The following EDC4 variants were observed in gnomAD, a reference collection of about 807,000 sequenced individuals.
The protein encoded by EDC4 is enhancer of mRNA decapping 4.
EDC4 carries 64 observed loss-of-function variants against 155.8 expected under a neutral mutation model. That is an observed-to-expected ratio of 0.41 (90% CI 0.34 to 0.51). EDC4 has a LOEUF of 0.51. EDC4 is among the 20% of genes least tolerant of loss of function. The pLI is 0.19. For synonymous variants in EDC4, 684 were observed against 716.8 expected, an observed-to-expected ratio of 0.95 and a Z score of 0.73; for missense variants, 1,303 against 1,812.5, an observed-to-expected ratio of 0.72 and a Z score of 5.10.
chr16:67,882,980 C>A lies in EDC4; in HGVS notation c.3652C>A (p.Gln1218Lys). Reference protein sequence around the residue: ...VGSLQESILAQVQRIVKGEVS... With the variant: ...VGSLQESILAKVQRIVKGEVS... ...CAGCCTGCAGGAGTCCATTTTAGCACAGGTACAGCGCATCGTTAAGGGTGA... is the reference window on the plus strand; with the variant it reads ...CAGCCTGCAGGAGTCCATTTTAGCAAAGGTACAGCGCATCGTTAAGGGTGA... Residue 1218 changes from glutamine to lysine, a missense_variant, in exon 27 of 29, where the codon CAG becomes AAG. Coordinates refer to ENST00000358933, the MANE Select transcript of EDC4 (RefSeq NM_014329.5). The surrounding 1 kb of genome is among the most constrained non-coding windows in gnomAD (Gnocchi z 7.2). The A allele has an allele frequency of 6.2e-7, 1 of 1,614,142 alleles. No individual in the cohort carries two copies.
In EDC4 at chr16:67,878,465, T is replaced by C; in HGVS notation, c.1088+22T>C. The stretch of plus-strand genomic sequence containing the variant: ...CTGAGTGAGTGAGTGGGCAGCCTAG[T>C]GGGTGGTGGGCTGGACCATGGCTCC... On this transcript the variant is annotated intron_variant, in intron 9 of 28. Coordinates refer to ENST00000358933, the MANE Select transcript of EDC4 (RefSeq NM_014329.5). The surrounding 1 kb of genome is among the most constrained non-coding windows in gnomAD (Gnocchi z 5.2). 1.2e-6 allele frequency: 2 copies of C among 1,614,086 alleles called. No homozygotes were observed. The highest frequency in any genetic ancestry group is 1.7e-6 in the Non-Finnish European group (2 of 1,179,992).
chr16:67,874,763 C>T (rs542626190), intron 1 of EDC4, among the ~76,000 whole-genome samples: 1 of 152,278 alleles, frequency 6.6e-6, no homozygotes, highest in South Asian at 2.1e-4. Flanking sequence ...CTTGTCTCCT[C>T]TCACTGGACG....
At position 67,882,611 on chromosome 16, in the gene EDC4, G is replaced by T; in HGVS notation, c.3442+17G>T. The T allele has an allele frequency of 6.2e-7, 1 of 1,614,218 alleles. No homozygotes were observed. Among genetic ancestry groups the T allele is most frequent in the South Asian group, 1.1e-5 (1 of 91,088 alleles). On this transcript the variant is annotated intron_variant, in intron 25 of 28. Transcript: ENST00000358933. This position sits in a 1 kb window ranked among gnomAD's most constrained non-coding sequence, Gnocchi z 7.2. ...CACAGGAATGTGAGTGGGGTCATAT[G>T]GCCCAAGGTGGGAGGGGTTATCCTC...
Position 67,879,569 on chromosome 16 carries a change from T to TTA in EDC4, c.1634-18_1634-17insTA. Reference sequence around the variant, plus strand: ...ACCAGGGTCTGAGATCTAACTCAAGTGGCAACTTGCCCTGCAGCATTTGGA... The same window carrying TTA: ...ACCAGGGTCTGAGATCTAACTCAAGTTAGGCAACTTGCCCTGCAGCATTTGGA... On this transcript the variant is annotated splice_polypyrimidine_tract_variant and intron_variant, in intron 14 of 28. Coordinates refer to ENST00000358933, the MANE Select transcript of EDC4 (RefSeq NM_014329.5). This position sits in a 1 kb window ranked among gnomAD's most constrained non-coding sequence, Gnocchi z 6.0. The TTA allele has an allele frequency of 6.2e-7, 1 of 1,613,698 alleles. No individual in the cohort carries two copies.
chr16:67,876,449 G>T lies in EDC4; in HGVS notation c.240-39G>T, dbSNP rs751155152. On this transcript the variant is annotated intron_variant, in intron 2 of 28. Transcript: ENST00000358933. This position sits in a 1 kb window ranked among gnomAD's most constrained non-coding sequence, Gnocchi z 5.8. ...CCCAACCCTGCCCGCTGAGCCTTTG[G>T]GTGAACAAGAGGCAAAGTTTTTGCA... The T allele has an allele frequency of 5.0e-6, 8 of 1,608,620 alleles. No homozygotes were observed. In the African/African-American group the frequency reaches 1.1e-4, roughly 22 times the overall value.
chr16:67,880,720 G>A lies in EDC4; in HGVS notation c.2261G>A (p.Arg754His), dbSNP rs995782313. The stretch of plus-strand genomic sequence containing the variant: ...GAGATTGCATCTGAGGCCCTGTCCC[G>A]TGGTTTTGGCTCCTCTGCACCAGAG... ...IPEIASEALS[R>H]GFGSSAPEGL... is the part of the protein sequence containing the mutation. Residue 754 changes from arginine to histidine, a missense_variant, in exon 18 of 29, where the codon CGT (arginine) becomes CAT (histidine). By Grantham distance (29) the Arg-to-His change is conservative. This residue lies in a region of EDC4 where 391 missense variants were observed against 445.4 expected (regional missense o/e 0.88). Transcript: ENST00000358933. The surrounding 1 kb of genome is among the most constrained non-coding windows in gnomAD (Gnocchi z 5.2). 3.7e-6 allele frequency: 6 copies of A among 1,614,074 alleles called. No individual in the cohort carries two copies. Among genetic ancestry groups the A allele is most frequent in the African/African-American group, 2.7e-5 (2 of 74,926 alleles).
chr16:67,877,365 C>T lies in EDC4; in HGVS notation c.600C>T (p.Asn200=), dbSNP rs2058046047. Residue 200 remains asparagine, a synonymous_variant, in exon 5 of 29, where the codon AAC becomes AAT. Transcript: ENST00000358933. This position sits in a 1 kb window ranked among gnomAD's most constrained non-coding sequence, Gnocchi z 4.9. ...TGGCCTGCCTGGATGAGGCAGGCAA[C>T]CTGTTCGTGTGGCGCTTGGCTCTGG... ...PQLACLDEAG[N]LFVWRLALVN... The T allele has an allele frequency of 6.2e-7, 1 of 1,613,752 alleles. No individual in the cohort carries two copies. Among genetic ancestry groups the T allele is most frequent in the African/African-American group, 1.3e-5 (1 of 74,912 alleles).
chr16:67,874,615 C>T (rs765790412), intron 1 of EDC4, among the ~76,000 whole-genome samples: 1 of 152,196 alleles, frequency 6.6e-6, no homozygotes, highest in Non-Finnish European at 1.5e-5. Context: ...TGGTACCCTT[C>T]ATGGAAGGGA....
In EDC4 at chr16:67,881,296, T is replaced by G; in HGVS notation, c.2668T>G (p.Ser890Ala). 1 of 1,614,104 alleles carries G rather than the reference T, an allele frequency of 6.2e-7. No individual in the cohort carries two copies. Among genetic ancestry groups the G allele is most frequent in the Non-Finnish European group, 8.5e-7 (1 of 1,180,012 alleles). Residue 890 changes from serine (S) to alanine (A), a missense_variant, in exon 20 of 29, where the codon TCT becomes GCT. Around this residue, in one of 5 missense-constraint regions of EDC4, gnomAD observed 527 missense variants for 757.0 expected, o/e 0.70. Coordinates refer to ENST00000358933, the MANE Select transcript of EDC4 (RefSeq NM_014329.5). This position sits in a 1 kb window ranked among gnomAD's most constrained non-coding sequence, Gnocchi z 5.4. ...TGATGATGAGGTGGCCAGCCTTGCC[T>G]CTGCTTCAGGAGGCTTTGGCACCAA... ...DHDDEVASLA[S>A]ASGGFGTKVP...
intron 1 of EDC4, among the ~76,000 whole-genome samples, chr16:67,874,562 G>A (rs569643409): frequency 5.9e-5 from 9 of 152,266 alleles, no homozygotes; most frequent in Non-Finnish European, 8.8e-5. Flanking sequence ...AGCCTGGCAT[G>A]GCCAACCATG....
In EDC4 at chr16:67,877,270, C is replaced by T. The variant is rs146312897; in HGVS notation, c.505C>T (p.Arg169Trp). Reference sequence around the variant, plus strand: ...GGTGATCAGCGTCAGCACTTCGGAGCGGACCTTGCTCAAGGGCTTCACAGG... The same window carrying T: ...GGTGATCAGCGTCAGCACTTCGGAGTGGACCTTGCTCAAGGGCTTCACAGG... ...VRVISVSTSE[R>W]TLLKGFTGSV... Residue 169 changes from arginine to tryptophan, a missense_variant, in exon 5 of 29, where the codon CGG becomes TGG. This residue lies in a region of EDC4 where 51 missense variants were observed against 121.1 expected (regional missense o/e 0.42). Coordinates refer to ENST00000358933, the MANE Select transcript of EDC4 (RefSeq NM_014329.5). The surrounding 1 kb of genome is among the most constrained non-coding windows in gnomAD (Gnocchi z 4.9). 1.2e-6 allele frequency: 2 copies of T among 1,614,044 alleles called. No individual in the cohort carries two copies. Among genetic ancestry groups the T allele is most frequent in the African/African-American group, 1.3e-5 (1 of 74,934 alleles).
chr16:67,876,440 G>A lies in EDC4; in HGVS notation c.240-48G>A. On this transcript the variant is annotated intron_variant, in intron 2 of 28. Transcript: ENST00000358933. This position sits in a 1 kb window ranked among gnomAD's most constrained non-coding sequence, Gnocchi z 5.8. ...TCGCTTCCTCCCAACCCTGCCCGCT[G>A]AGCCTTTGGGTGAACAAGAGGCAAA... is the stretch of plus-strand genomic sequence containing the variant. 1 of 1,603,778 alleles carries A rather than the reference G, an allele frequency of 6.2e-7. No homozygotes were observed. The highest frequency in any genetic ancestry group is 8.5e-7 in the Non-Finnish European group (1 of 1,173,544).
chr16:67,880,182 C>T lies in EDC4; in HGVS notation c.2063C>T (p.Pro688Leu). 6.2e-7 allele frequency: 1 copy of T among 1,611,402 alleles called. No individual in the cohort carries two copies. Among genetic ancestry groups the T allele is most frequent in the Non-Finnish European group, 8.5e-7 (1 of 1,179,166 alleles). ...CTCCTGCCTGGCCTGCTCCCAGCCC[C>T]AGCTGACAAACTGACTCCCAAGGGG... ...RGLLPGLLPA[P>L]ADKLTPKGPG... Residue 688 changes from proline (P) to leucine (L), a missense_variant, in exon 17 of 29, where the codon CCA (proline) becomes CTA (leucine). Coordinates refer to ENST00000358933, the MANE Select transcript of EDC4 (RefSeq NM_014329.5). The surrounding 1 kb of genome is among the most constrained non-coding windows in gnomAD (Gnocchi z 5.2).
Position 67,876,844 on chromosome 16 carries a change from C to A in EDC4, c.352-29C>A, listed in dbSNP as rs777844523. 3 of 1,611,286 alleles carry A rather than the reference C, an allele frequency of 1.9e-6. No individual in the cohort carries two copies. The highest frequency in any genetic ancestry group is 2.5e-6 in the Non-Finnish European group (3 of 1,178,356). ...GGGCCACCTAGGCTCTGGGGAAGTTCCATGACTTTTCTCACCCTGGGTTCT... is the reference window on the plus strand; with the variant it reads ...GGGCCACCTAGGCTCTGGGGAAGTTACATGACTTTTCTCACCCTGGGTTCT... On this transcript the variant is annotated intron_variant, in intron 3 of 28. Transcript: ENST00000358933. The surrounding 1 kb of genome is among the most constrained non-coding windows in gnomAD (Gnocchi z 5.8).
chr16:67,880,132 C>T lies in EDC4; in HGVS notation c.2013C>T (p.Gly671=), dbSNP rs56971448. 1 of 1,613,086 alleles carries T rather than the reference C, an allele frequency of 6.2e-7. No homozygotes were observed. The highest frequency in any genetic ancestry group is 2.2e-5 in the East Asian group (1 of 44,882). The change falls in exon 17 of 29, where the codon GGC becomes GGT. Residue 671 remains glycine, a synonymous_variant. Transcript: ENST00000358933. The surrounding 1 kb of genome is among the most constrained non-coding windows in gnomAD (Gnocchi z 5.2). The part of the protein sequence containing the change: ...LDGSLTMSSS[G]SLQASPRGLL... ...GCAGCCTGACAATGAGCAGCAGTGG[C>T]AGCCTTCAGGCAAGCCCGCGTGGCC...
chr16:67,882,494 C>T lies in EDC4; in HGVS notation c.3342C>T (p.Tyr1114=). The change falls in exon 25 of 29, where the codon TAC becomes TAT. Residue 1114 remains tyrosine, a synonymous_variant. Transcript: ENST00000358933. The surrounding 1 kb of genome is among the most constrained non-coding windows in gnomAD (Gnocchi z 7.2). ...TACAAGGGCCGATGCAGGCTGCCTA[C>T]CGGGAAGCCTTCCAGAGTGTGGTGC... The part of the protein sequence containing the change: ...DTLQGPMQAA[Y]REAFQSVVLP... 6.2e-7 allele frequency: 1 copy of T among 1,614,246 alleles called. No individual in the cohort carries two copies. The highest frequency in any genetic ancestry group is 8.5e-7 in the Non-Finnish European group (1 of 1,180,046).
In EDC4 at chr16:67,884,127, C is replaced by T. The variant is rs142793660; in HGVS notation, c.4185C>T (p.Leu1395=). ...ARRLSLMLHG[L]VTPSLP Reference sequence around the variant, plus strand: ...GTCTCAGCCTCATGCTGCATGGCCTCGTGACCCCCAGCCTCCCTTAGCTGC... The same window carrying T: ...GTCTCAGCCTCATGCTGCATGGCCTTGTGACCCCCAGCCTCCCTTAGCTGC... The change falls in exon 29 of 29, where the codon CTC becomes CTT. Residue 1395 remains leucine, a synonymous_variant. Coordinates refer to ENST00000358933, the MANE Select transcript of EDC4 (RefSeq NM_014329.5). This position sits in a 1 kb window ranked among gnomAD's most constrained non-coding sequence, Gnocchi z 4.1. 213 of 1,611,250 alleles carry T rather than the reference C, an allele frequency of 1.3e-4. No individual in the cohort carries two copies. Among genetic ancestry groups the T allele is most frequent in the Admixed American group, 5.2e-4 (31 of 59,866 alleles).
Position 67,879,528 on chromosome 16 carries a change from A to T in EDC4, c.1633+25A>T. 6.2e-7 allele frequency: 1 copy of T among 1,614,056 alleles called. No homozygotes were observed. Among genetic ancestry groups the T allele is most frequent in the Non-Finnish European group, 8.5e-7 (1 of 1,179,978 alleles). On this transcript the variant is annotated intron_variant, in intron 14 of 28. Coordinates refer to ENST00000358933, the MANE Select transcript of EDC4 (RefSeq NM_014329.5). The surrounding 1 kb of genome is among the most constrained non-coding windows in gnomAD (Gnocchi z 6.0). ...AGTGAGTAGGGCGTGAGAGGGAGGT[A>T]GGGTAAGTTGGACTGACCAGGGTCT...
rs2058081736 is a variant in EDC4, at chr16:67,883,859, T to G, written c.4014-97T>G. The G allele has an allele frequency of 3.9e-6, 6 of 1,538,314 alleles. No individual in the cohort carries two copies. The African/African-American group carries it at 6.8e-5, about 17-fold the overall frequency. ...ATTTTCTCCACCAGTCCTTTCTGCC[T>G]TCACCCAGAGGGTTCCCTCTGGGCC... On this transcript the variant is annotated intron_variant, in intron 28 of 28. Transcript: ENST00000358933. This position sits in a 1 kb window ranked among gnomAD's most constrained non-coding sequence, Gnocchi z 5.3.
Sources: gnomAD v4.1 joint callset for allele counts (sites outside exome capture counted in the v4.1 genomes callset) on GRCh38, gnomAD v4.1.1 for gene constraint, gnomAD v4.1.1 regional missense constraint, Gnocchi (gnomAD v3.1) non-coding constraint, MANE v1.5 for transcripts, NCBI Gene and HGNC (gene_info 2026-07-23, HGNC 2026-07-21) for gene names.